Variants in CNTN6 observed in about 807,000 individuals in gnomAD.
CNTN6 encodes the protein contactin-6.
In CNTN6, 137 loss-of-function variants were observed where a neutral mutation model predicts 122.8. That is an observed-to-expected ratio of 1.12 (90% CI 0.97 to 1.29). The LOEUF is 1.29. Among genes scored for constraint, CNTN6 ranks in the 50% most tolerant of loss-of-function variants. The probability of loss-of-function intolerance (pLI) is 0.00; values close to 1 mark genes in which losing one functional copy is unlikely to be tolerated. For synonymous variants in CNTN6, 570 were observed against 426.0 expected (o/e 1.34, Z -4.16); for missense variants, 1,634 against 1,223.4 (o/e 1.34, Z -5.01).
At chr3:1,344,159 T>C (rs888682355) in intron 11 of CNTN6, among the ~76,000 whole-genome samples, 1 of 152,116 alleles carries the variant, frequency 6.6e-6, no homozygotes, top group African/African-American at 2.4e-5. Context: ...AAGGATGTGA[T>C]AGAGAAAGCT....
chr3:1,282,357 C>A (rs1270503009), intron 5 of CNTN6, among the ~76,000 whole-genome samples: 1 of 152,204 alleles, frequency 6.6e-6, no homozygotes, highest in Non-Finnish European at 1.5e-5. Context: ...GAGAAGGCAT[C>A]ACAGTGCAAA....
chr3:1,199,102 GA>G (rs1161998743), intron 2 of CNTN6, among the ~76,000 whole-genome samples: 2 of 151,492 alleles, frequency 1.3e-5, no homozygotes, highest in Non-Finnish European at 2.9e-5. Flanking sequence ...CCTCCAGAAG[GA>G]ACCAACCCTG....
intron 2 of CNTN6, among the ~76,000 whole-genome samples, chr3:1,202,800 C>T (rs904778254): frequency 3.3e-5 from 5 of 152,058 alleles, no homozygotes; most frequent in Non-Finnish European, 5.9e-5. Flanking sequence ...GAGTATGAGT[C>T]TGAAAAATAT....
intron 1 of CNTN6, among the ~76,000 whole-genome samples, chr3:1,117,427 TG>T (rs2091769192): frequency 6.6e-6 from 1 of 152,128 alleles, no homozygotes; most frequent in Non-Finnish European, 1.5e-5. Context: ...TGTGTTATAG[TG>T]GTTATGGGTT....
At chr3:1,307,866 A>G (rs1698607916) in intron 7 of CNTN6, among the ~76,000 whole-genome samples, 2 of 152,156 alleles carry the variant, frequency 1.3e-5, no homozygotes, top group South Asian at 4.1e-4. Flanking sequence ...ATCAAGGTTA[A>G]CTTTATCATA....
At chr3:1,137,791 A>G (rs1239429679) in intron 1 of CNTN6, among the ~76,000 whole-genome samples, 1 of 152,214 alleles carries the variant, frequency 6.6e-6, no homozygotes, top group African/African-American at 2.4e-5. Context: ...GTAGATTTTA[A>G]GAATGGAATT....
intron 2 of CNTN6, among the ~76,000 whole-genome samples, chr3:1,210,583 C>A (rs1248022528): frequency 6.6e-6 from 1 of 152,172 alleles, no homozygotes; most frequent in Non-Finnish European, 1.5e-5. Context: ...GAGGGTAGAG[C>A]TTTTATAGTA....
At chr3:1,283,372 C>A (rs2125814438) in intron 5 of CNTN6, among the ~76,000 whole-genome samples, 1 of 152,290 alleles carries the variant, frequency 6.6e-6, no homozygotes. Flanking sequence ...TCTCACTCAC[C>A]TCCAAAGTGA....
chr3:1,391,348 T>C (rs1694115893), intron 20 of CNTN6, among the ~76,000 whole-genome samples: 1 of 122,500 alleles, frequency 8.2e-6, no homozygotes, highest in African/African-American at 3.5e-5. Context: ...TTGACAAAAT[T>C]CAACAACCCT....
At chr3:1,157,272 C>A (rs62229385) in intron 2 of CNTN6, among the ~76,000 whole-genome samples, 7,464 of 151,834 alleles carry the variant, frequency 0.049, 243 homozygotes, top group Non-Finnish European at 0.075. Context: ...GGCTGGAGTG[C>A]GGTGGCACGA....
chr3:1,239,771 T>C (rs529334388), intron 4 of CNTN6, among the ~76,000 whole-genome samples: 1 of 152,226 alleles, frequency 6.6e-6, no homozygotes, highest in Admixed American at 6.5e-5. Context: ...TGACTTCACC[T>C]TTTTCTCTGA....
intron 2 of CNTN6, among the ~76,000 whole-genome samples, chr3:1,157,057 T>C (rs116713243): frequency 0.063 from 9,543 of 151,320 alleles, 412 homozygotes; most frequent in Middle Eastern, 0.13. Flanking sequence ...TCTGTGTACA[T>C]AGTAGGTGTA....
At chr3:1,200,474 C>T (rs1319910309) in intron 2 of CNTN6, among the ~76,000 whole-genome samples, 2 of 152,142 alleles carry the variant, frequency 1.3e-5, no homozygotes, top group Non-Finnish European at 2.9e-5. Flanking sequence ...CAGCCAATGC[C>T]ATGGCATCAA....
At chr3:1,102,028 T>G (rs1046650546) in intron 1 of CNTN6, among the ~76,000 whole-genome samples, 26 of 152,330 alleles carry the variant, frequency 1.7e-4, no homozygotes, top group African/African-American at 4.8e-4. Context: ...AATCCTTTTT[T>G]AAAAGTCTTC....
At chr3:1,154,816 A>G (rs1329624350) in intron 2 of CNTN6, among the ~76,000 whole-genome samples, 6 of 152,144 alleles carry the variant, frequency 3.9e-5, no homozygotes, top group South Asian at 2.1e-4. Flanking sequence ...TTGCCATTCC[A>G]TCAAGTCACG....
intron 1 of CNTN6, among the ~76,000 whole-genome samples, chr3:1,147,505 T>C (rs187221128): frequency 6.6e-6 from 1 of 152,098 alleles, no homozygotes; most frequent in Non-Finnish European, 1.5e-5. Flanking sequence ...TCTTTTGGGC[T>C]AAAGGCCAAA....
intron 4 of CNTN6, among the ~76,000 whole-genome samples, chr3:1,255,425 AAAAGAAAG>A (rs561663204): frequency 8.3e-5 from 12 of 144,288 alleles, no homozygotes; most frequent in Admixed American, 4.1e-4. Flanking sequence ...TGGAAAAAAA[AAAAGAAAG>A]AAAGAAAGAA....
At chr3:1,152,695 A>C (rs2092873979) in intron 2 of CNTN6, among the ~76,000 whole-genome samples, 2 of 152,222 alleles carry the variant, frequency 1.3e-5, no homozygotes, top group East Asian at 1.9e-4. Flanking sequence ...AGATTTCAAA[A>C]TTTAGTTCCA....
chr3:1,142,282 T>C (rs954000847), intron 1 of CNTN6, among the ~76,000 whole-genome samples: 59 of 151,786 alleles, frequency 3.9e-4, no homozygotes, highest in African/African-American at 1.4e-3. Context: ...GGGTTAAGCA[T>C]AATTAGCACT....
Sources: gnomAD v4.1 joint callset for allele counts (sites outside exome capture counted in the v4.1 genomes callset) on GRCh38, gnomAD v4.1.1 for gene constraint, MANE v1.5 for transcripts, NCBI Gene and HGNC (gene_info 2026-07-23, HGNC 2026-07-21) for gene names.